PTPRM: variants seen among roughly 807,000 people sequenced by gnomAD.
PTPRM encodes the protein protein tyrosine phosphatase receptor type M.
Under a neutral mutation model 186.7 loss-of-function variants are expected in PTPRM, and 47 were observed. The observed-to-expected ratio is 0.25, with a 90% CI of 0.20 to 0.32. The LOEUF (loss-of-function observed/expected upper bound fraction) is 0.32. PTPRM is among the 10% of genes least tolerant of loss of function. The pLI is 1.00. For synonymous variants in PTPRM, 668 were observed against 674.9 expected (o/e 0.99, Z 0.16); for missense variants, 1,494 against 1,865.0 (o/e 0.80, Z 3.66).
chr18:8,400,567 C>A (rs2095866963), intron 32 of PTPRM, among the ~76,000 whole-genome samples: 1 of 152,204 alleles, frequency 6.6e-6, no homozygotes, highest in Non-Finnish European at 1.5e-5. Context: ...CCTCTCCCTT[C>A]CCTGCAGTGC....
In PTPRM at chr18:7,698,896, T is replaced by A. The variant is rs146259082; in HGVS notation, c.74-75253T>A. 3.5e-3 allele frequency among the ~76,000 whole-genome samples: 539 copies of A among 152,306 alleles called. 3 individuals are homozygous for A. Among genetic ancestry groups the A allele is most frequent in the Middle Eastern group, 0.01 (3 of 294 alleles). ...CATTTGGATATCTTTGAAGGATCTA[T>A]TCAAGTATTTTTTGCATATTTTCAT... On this transcript the variant is annotated intron_variant, in intron 1 of 32. Coordinates refer to ENST00000580170, the MANE Select transcript of PTPRM (RefSeq NM_001105244.2).
intron 22 of PTPRM, among the ~76,000 whole-genome samples, chr18:8,337,195 G>T (rs1247106420): frequency 1.3e-5 from 2 of 152,090 alleles, no homozygotes; most frequent in Non-Finnish European, 2.9e-5. Flanking sequence ...GCATAGCTCA[G>T]TTTGAGGAGG....
chr18:7,991,883 C>G (rs1255174343), intron 7 of PTPRM, among the ~76,000 whole-genome samples: 2 of 152,140 alleles, frequency 1.3e-5, no homozygotes, highest in East Asian at 3.9e-4. Flanking sequence ...TCATGAGATA[C>G]ATGGATGATG....
intron 1 of PTPRM, among the ~76,000 whole-genome samples, chr18:7,673,555 C>G (rs981009831): frequency 6.6e-6 from 1 of 152,102 alleles, no homozygotes; most frequent in Non-Finnish European, 1.5e-5. Context: ...ACTTGAGAAA[C>G]TTCTACAAAA....
intron 14 of PTPRM, among the ~76,000 whole-genome samples, chr18:8,238,207 CCTT>C (rs1386191592): frequency 3.9e-5 from 6 of 152,292 alleles, no homozygotes; most frequent in Admixed American, 2.6e-4. Context: ...CCTTTCTCCT[CCTT>C]CTTGTATTCC....
intron 4 of PTPRM, among the ~76,000 whole-genome samples, chr18:7,923,473 C>T (rs1568019739): frequency 6.6e-6 from 1 of 152,152 alleles, no homozygotes; most frequent in African/African-American, 2.4e-5. Context: ...TGATTTGGGT[C>T]CAGTGGTTGG....
At chr18:7,704,294 T>C (rs567195305) in intron 1 of PTPRM, among the ~76,000 whole-genome samples, 17 of 152,324 alleles carry the variant, frequency 1.1e-4, no homozygotes, top group African/African-American at 3.8e-4. Flanking sequence ...TGTGAATCCA[T>C]CTGGTCCTGG....
chr18:8,086,445 GTCTT>G (rs2090440227), intron 10 of PTPRM, among the ~76,000 whole-genome samples: 1 of 152,188 alleles, frequency 6.6e-6, no homozygotes, highest in Admixed American at 6.5e-5. Flanking sequence ...TGCAGAAAAT[GTCTT>G]TGTACTTCAG....
chr18:8,179,930 T>C (rs1039197395), intron 14 of PTPRM, among the ~76,000 whole-genome samples: 1 of 152,230 alleles, frequency 6.6e-6, no homozygotes, highest in African/African-American at 2.4e-5. Context: ...ATTTTCCTTC[T>C]ATTAGGAAGT....
chr18:7,949,987 G>T (rs1197558611), intron 6 of PTPRM, among the ~76,000 whole-genome samples: 1 of 151,974 alleles, frequency 6.6e-6, no homozygotes, highest in Non-Finnish European at 1.5e-5. Flanking sequence ...GACAATTTTT[G>T]GTCCCAGACA....
intron 19 of PTPRM, among the ~76,000 whole-genome samples, chr18:8,272,065 T>A (rs1177933673): frequency 1.3e-5 from 2 of 151,950 alleles, no homozygotes; most frequent in African/African-American, 4.8e-5. Flanking sequence ...TACAAAAAAT[T>A]AGCTGGGCGT....
intron 7 of PTPRM, among the ~76,000 whole-genome samples, chr18:8,048,062 GTA>G (rs2087193431): frequency 6.6e-6 from 1 of 152,114 alleles, no homozygotes; most frequent in African/African-American, 2.4e-5. Flanking sequence ...CATTGCCTTT[GTA>G]TTTTTTAAAT....
At chr18:7,914,740 G>A (rs16952642) in intron 4 of PTPRM, among the ~76,000 whole-genome samples, 8,439 of 152,124 alleles carry the variant, frequency 0.055, 395 homozygotes, top group East Asian at 0.17. Flanking sequence ...TATGTCCATC[G>A]TTAAATTCCA....
intron 20 of PTPRM, among the ~76,000 whole-genome samples, chr18:8,304,392 A>T (rs1054590206): frequency 6.6e-6 from 1 of 152,148 alleles, no homozygotes; most frequent in Non-Finnish European, 1.5e-5. Flanking sequence ...AGCGGATTAT[A>T]ATTCTTCAAC....
chr18:8,272,445 G>C (rs2094784330), intron 19 of PTPRM, among the ~76,000 whole-genome samples: 1 of 151,468 alleles, frequency 6.6e-6, no homozygotes, highest in Non-Finnish European at 1.5e-5. Flanking sequence ...TTTCCTCTAA[G>C]TATTGATTTT....
intron 1 of PTPRM, among the ~76,000 whole-genome samples, chr18:7,710,648 T>C (rs1048763108): frequency 2.0e-5 from 3 of 152,108 alleles, no homozygotes; most frequent in African/African-American, 7.2e-5. Flanking sequence ...TAGAAAACCC[T>C]AAAGATTCAT....
chr18:8,257,026 G>A (rs1182594933), intron 19 of PTPRM, among the ~76,000 whole-genome samples: 1 of 152,214 alleles, frequency 6.6e-6, no homozygotes, highest in Non-Finnish European at 1.5e-5. Flanking sequence ...GTCCCCTGGG[G>A]AAGCTGACAG....
In PTPRM at chr18:8,037,356, C is replaced by A. The variant is rs138725556; in HGVS notation, c.1133-32330C>A. ...TGTTTGTGAGGAAAAATATTTTCTGCTTCAGATAATGGCTTCTTTAGATGT... is the reference window on the plus strand; with the variant it reads ...TGTTTGTGAGGAAAAATATTTTCTGATTCAGATAATGGCTTCTTTAGATGT... On this transcript the variant is annotated intron_variant, in intron 7 of 32. Transcript: ENST00000580170. Among the ~76,000 whole-genome samples, 346 of 152,234 alleles carry A rather than the reference C, an allele frequency of 2.3e-3. 1 individual carries two copies. Among genetic ancestry groups the A allele is most frequent in the African/African-American group, 7.9e-3 (329 of 41,540 alleles).
intron 9 of PTPRM, among the ~76,000 whole-genome samples, chr18:8,077,078 A>T (rs568254498): frequency 1.3e-5 from 2 of 152,134 alleles, no homozygotes; most frequent in Non-Finnish European, 2.9e-5. Context: ...AGGCATATCA[A>T]ATGGTTGAAT....
Sources: gnomAD v4.1 joint callset for allele counts (sites outside exome capture counted in the v4.1 genomes callset) on GRCh38, gnomAD v4.1.1 for gene constraint, MANE v1.5 for transcripts, NCBI Gene and HGNC (gene_info 2026-07-23, HGNC 2026-07-21) for gene names.